Variants in RBMS3 observed in about 807,000 individuals in gnomAD.
RBMS3 encodes RNA-binding motif, single-stranded-interacting protein 3.
In RBMS3, 27 loss-of-function variants were observed where a neutral mutation model predicts 66.8. The ratio of observed to expected loss-of-function variants is 0.40; its 90% CI spans 0.30 to 0.56. The LOEUF is 0.56. Ranked by LOEUF, RBMS3 falls within the 20% of genes least tolerant of loss-of-function variation. RBMS3 has a pLI of 0.40. For missense variants in RBMS3, 513 were observed against 549.5 expected, an observed-to-expected ratio of 0.93 and a Z score of 0.66; for synonymous variants, 188 against 183.0, an observed-to-expected ratio of 1.03 and a Z score of -0.22.
intron 12 of RBMS3, among the ~76,000 whole-genome samples, chr3:29,954,039 T>C (rs959078666): frequency 1.3e-5 from 2 of 151,908 alleles, no homozygotes; most frequent in African/African-American, 4.8e-5. Context: ...ATAGCATTGA[T>C]TGCCCTCTAT....
At position 29,944,265 on chromosome 3, in the gene RBMS3, T is replaced by G. The variant is rs770746699; in HGVS notation, c.1098+11T>G. 7.6e-6 allele frequency: 12 copies of G among 1,575,160 alleles called. No individual in the cohort carries two copies. Among genetic ancestry groups the G allele is most frequent in the Non-Finnish European group, 1.0e-5 (12 of 1,145,542 alleles). On this transcript the variant is annotated intron_variant, in intron 12 of 14. Transcript: ENST00000383767. ...CAGCTGTTGTGTCAGGTAGGAAAATTCTAATTCTTTTAAGACTGGATTGGA... is the reference window on the plus strand; with the variant it reads ...CAGCTGTTGTGTCAGGTAGGAAAATGCTAATTCTTTTAAGACTGGATTGGA...
rs139117243 is a variant in RBMS3, at chr3:29,759,852, T to C, written c.558-3058T>C. ...GGGACTGCTTTGCCTTGTTAAAATG[T>C]GCCCCGTGTATTAAAATGGAATTGT... On this transcript the variant is annotated intron_variant, in intron 5 of 14. Transcript: ENST00000383767. Among the ~76,000 whole-genome samples the C allele has an allele frequency of 1.4e-4, 22 of 152,208 alleles. No individual in the cohort carries two copies. The East Asian group carries it at 2.5e-3, about 17-fold the overall frequency.
chr3:29,826,393 G>T (rs2058212978), intron 6 of RBMS3, among the ~76,000 whole-genome samples: 1 of 151,962 alleles, frequency 6.6e-6, no homozygotes, highest in Non-Finnish European at 1.5e-5. Context: ...CATTAATTAT[G>T]CCTCTTCCAT....
At chr3:29,288,823 C>G (rs1482417710) in intron 1 of RBMS3, among the ~76,000 whole-genome samples, 1 of 151,928 alleles carries the variant, frequency 6.6e-6, no homozygotes, top group African/African-American at 2.4e-5. Flanking sequence ...AACGTGGGAA[C>G]TGAATACTGT....
intron 7 of RBMS3, among the ~76,000 whole-genome samples, chr3:29,882,721 A>G (rs749248878): frequency 6.6e-6 from 1 of 152,112 alleles, no homozygotes; most frequent in Non-Finnish European, 1.5e-5. Flanking sequence ...CATGTCAATT[A>G]TAAGCTAAAT....
intron 4 of RBMS3, among the ~76,000 whole-genome samples, chr3:29,622,316 A>C (rs1202981856): frequency 6.6e-6 from 1 of 152,232 alleles, no homozygotes; most frequent in Admixed American, 6.5e-5. Flanking sequence ...GAAGAAAAAG[A>C]AGCACATAGG....
chr3:29,580,823 C>T (rs942247824), intron 3 of RBMS3, among the ~76,000 whole-genome samples: 10 of 152,016 alleles, frequency 6.6e-5, no homozygotes, highest in Admixed American at 3.3e-4. Flanking sequence ...AATGCTTAGG[C>T]AATTAAACTG....
In RBMS3 at chr3:29,450,251, T is replaced by C. The variant is rs78776294; in HGVS notation, c.248+15336T>C. 3.2e-3 allele frequency among the ~76,000 whole-genome samples: 480 copies of C among 152,262 alleles called. 4 individuals are homozygous for C. The highest frequency in any genetic ancestry group is 0.011 in the African/African-American group (438 of 41,564). On this transcript the variant is annotated intron_variant, in intron 2 of 14. Coordinates refer to ENST00000383767, the MANE Select transcript of RBMS3 (RefSeq NM_001003793.3). ...GAAAATGTGAGCAAGGATTGACCAC[T>C]GGTATAGTGGCTGGGAATGAGTAGA...
chr3:29,935,481 T>C (rs1343119571), intron 10 of RBMS3, among the ~76,000 whole-genome samples: 3 of 152,066 alleles, frequency 2.0e-5, no homozygotes, highest in African/African-American at 7.2e-5. Flanking sequence ...GTCTAAAATA[T>C]AGATAGATAG....
At chr3:29,372,722 A>T (rs1263223147) in intron 1 of RBMS3, among the ~76,000 whole-genome samples, 1 of 152,098 alleles carries the variant, frequency 6.6e-6, no homozygotes, top group African/African-American at 2.4e-5. Flanking sequence ...GTGTGATGGG[A>T]AAAGGGAAAC....
chr3:29,925,732 G>A (rs964280931), intron 10 of RBMS3, among the ~76,000 whole-genome samples: 1 of 152,088 alleles, frequency 6.6e-6, no homozygotes, highest in African/African-American at 2.4e-5. Context: ...AACTCACCTG[G>A]GGCAGGCTCT....
At chr3:29,700,463 A>T (rs1257912572) in intron 4 of RBMS3, among the ~76,000 whole-genome samples, 1 of 152,198 alleles carries the variant, frequency 6.6e-6, no homozygotes, top group African/African-American at 2.4e-5. Context: ...TGTAGAGCTC[A>T]TGTTCCCAAA....
intron 6 of RBMS3, among the ~76,000 whole-genome samples, chr3:29,818,430 T>TTG (rs918199662): frequency 2.6e-4 from 39 of 152,222 alleles, no homozygotes; most frequent in African/African-American, 9.1e-4. Flanking sequence ...TATAATTTTT[T>TTG]TAGTTGTCGT....
chr3:29,435,110 A>G, intron 2 of RBMS3, 195 bp downstream of exon 2: 1 of 602,278 alleles, frequency 1.7e-6, no homozygotes, highest in Admixed American at 3.3e-5. Flanking sequence ...TTTGTTGTTG[A>G]GTGGAAGTTC....
chr3:29,329,794 A>C (rs1214830723), intron 1 of RBMS3, among the ~76,000 whole-genome samples: 2 of 148,884 alleles, frequency 1.3e-5, no homozygotes, highest in Non-Finnish European at 3.0e-5. Flanking sequence ...CATGTGAAAA[A>C]TTTTTATAGA....
rs144941398 is a variant in RBMS3, at chr3:29,711,610, C to G, written c.400-28110C>G. ...CAGAAACTTCAGAGCCAAGCAGGGT[C>G]AGACTACTAACCCAGGATCTCAGAA... On this transcript the variant is annotated intron_variant, in intron 4 of 14. Coordinates refer to ENST00000383767, the MANE Select transcript of RBMS3 (RefSeq NM_001003793.3). Among the ~76,000 whole-genome samples the G allele has an allele frequency of 3.4e-3, 523 of 152,268 alleles. 3 individuals are homozygous for G. The highest frequency in any genetic ancestry group is 0.012 in the African/African-American group (506 of 41,550).
chr3:29,607,411 T>C (rs2048350200), intron 4 of RBMS3, among the ~76,000 whole-genome samples: 1 of 151,944 alleles, frequency 6.6e-6, no homozygotes, highest in Non-Finnish European at 1.5e-5. Flanking sequence ...CTTCCAGCTG[T>C]GTCCTCACAC....
chr3:29,324,848 C>T (rs2035226320), intron 1 of RBMS3, among the ~76,000 whole-genome samples: 1 of 152,054 alleles, frequency 6.6e-6, no homozygotes, highest in Admixed American at 6.6e-5. Context: ...TCCTTCCTCT[C>T]CTCTTCCTTT....
intron 4 of RBMS3, among the ~76,000 whole-genome samples, chr3:29,710,326 A>G (rs141734565): frequency 1.3e-5 from 2 of 152,282 alleles, no homozygotes; most frequent in African/African-American, 4.8e-5. Context: ...ATAATAATAT[A>G]TCAGTAATAA....
Sources: allele counts gnomAD v4.1 joint callset (sites outside exome capture counted in the v4.1 genomes callset), GRCh38; gene constraint gnomAD v4.1.1; transcripts MANE v1.5; gene names NCBI Gene and HGNC (gene_info 2026-07-23, HGNC 2026-07-21).